ITGB3: variants seen among roughly 807,000 people sequenced by gnomAD.
ITGB3 encodes the protein integrin beta-3.
Under a neutral mutation model 85.8 loss-of-function variants are expected in ITGB3, and 48 were observed. The observed-to-expected ratio is 0.56, with a 90% CI of 0.44 to 0.71. ITGB3 has a LOEUF of 0.71. ITGB3 is among the 30% of genes least tolerant of loss of function. The pLI is 0.00. For synonymous variants in ITGB3, 363 were observed against 395.6 expected (o/e 0.92, Z 0.98); for missense variants, 861 against 1,019.1 (o/e 0.84, Z 2.11).
rs115600591 is a variant in ITGB3 at position 47,253,901 on chromosome 17, G to A, written c.40G>A (p.Val14Met). 2.0e-3 allele frequency: 2,806 copies of A among 1,394,354 alleles called. 51 individuals carry two copies. In the African/African-American group the frequency reaches 0.037, roughly 19 times the overall value. The allele number at this position is 1,394,354 out of a possible 1,614,324, so 86.4% of individuals were successfully genotyped here. ...GCGGCCCCGGCCGCTCTGGGCGACT[G>A]TGCTGGCGCTGGGGGCGCTGGCGGG... ...RPRPRPLWAT[V>M]LALGALAGVG... is the part of the protein sequence containing the mutation. The change falls in exon 1 of 15, where the codon GTG becomes ATG. Residue 14 changes from valine (V) to methionine (M), a missense_variant. Coordinates refer to ENST00000559488, the MANE Select transcript of ITGB3 (RefSeq NM_000212.3).
In ITGB3 at chr17:47,299,631, C is replaced by T; in HGVS notation, c.1913+101C>T. 8.8e-7 allele frequency: 1 copy of T among 1,133,288 alleles called. No individual in the cohort carries two copies. Among genetic ancestry groups the T allele is most frequent in the African/African-American group, 1.5e-5 (1 of 65,082 alleles). 70.2% of individuals were successfully genotyped at this position (1,133,288 alleles called of 1,614,324 possible). A position where few individuals can be genotyped will look rare whatever the true frequency, so the allele number is the denominator to read the frequency against. On this transcript the variant is annotated intron_variant, in intron 11 of 14. Transcript: ENST00000559488. This position sits in a 1 kb window ranked among gnomAD's most constrained non-coding sequence, Gnocchi z 5.1. ...CAGGTGTGTTTCTTGCTCACCAGAGCCTTAGGGAGAGGAGTCCACTCCAGC... is the reference window on the plus strand; with the variant it reads ...CAGGTGTGTTTCTTGCTCACCAGAGTCTTAGGGAGAGGAGTCCACTCCAGC...
chr17:47,293,732 C>T (rs972408794), intron 10 of ITGB3, among the ~76,000 whole-genome samples: 2 of 152,112 alleles, frequency 1.3e-5, no homozygotes, highest in African/African-American at 2.4e-5. Context: ...CTCAGCCTCC[C>T]GAGTAGTTGG....
rs138145046 is a variant in ITGB3, at chr17:47,302,155, G to A, written c.2015-566G>A. 1.2e-4 allele frequency among the ~76,000 whole-genome samples: 18 copies of A among 152,214 alleles called. 1 individual carries two copies. Among genetic ancestry groups the A allele is most frequent in the African/African-American group, 2.9e-4 (12 of 41,534 alleles). On this transcript the variant is annotated intron_variant, in intron 12 of 14. Coordinates refer to ENST00000559488, the MANE Select transcript of ITGB3 (RefSeq NM_000212.3). ...AGAAGAGATGAAGTCTACAAAACACGGTGGGAGTCAGAGAAGAGAGGATAG... is the reference window on the plus strand; with the variant it reads ...AGAAGAGATGAAGTCTACAAAACACAGTGGGAGTCAGAGAAGAGAGGATAG...
chr17:47,267,072 C>T (rs1438412245), intron 1 of ITGB3, among the ~76,000 whole-genome samples: 2 of 152,174 alleles, frequency 1.3e-5, no homozygotes, highest in Non-Finnish European at 2.9e-5. Flanking sequence ...ATTTGAGACT[C>T]AGGATAAAAA....
rs551047304 is a variant in ITGB3, at chr17:47,295,813, C to T, written c.1690+3245C>T. Among the ~76,000 whole-genome samples, 17 of 152,302 alleles carry T rather than the reference C, an allele frequency of 1.1e-4. No individual in the cohort carries two copies. In the South Asian group the frequency reaches 3.5e-3, roughly 32 times the overall value. The stretch of plus-strand genomic sequence containing the variant: ...AGCTCTGCTGGCTGGCGCACTCCTC[C>T]CCCAGCTGCTGTGAGGTTGGCCGAT... On this transcript the variant is annotated intron_variant, in intron 10 of 14. Transcript: ENST00000559488.
rs189854106 is a variant in ITGB3 at position 47,277,388 on chromosome 17, G to A, written c.165+2884G>A. On this transcript the variant is annotated intron_variant, in intron 2 of 14. Coordinates refer to ENST00000559488, the MANE Select transcript of ITGB3 (RefSeq NM_000212.3). ...TGCTAATTGAAGGGCCACTGGGGTT[G>A]GGTCAAGGTGGATGGAGGTGGAGTT... 3.3e-5 allele frequency among the ~76,000 whole-genome samples: 5 copies of A among 152,254 alleles called. No homozygotes were observed. In the East Asian group the frequency reaches 9.6e-4, roughly 29 times the overall value.
chr17:47,276,648 G>A (rs1254814286), intron 2 of ITGB3, among the ~76,000 whole-genome samples: 1 of 152,198 alleles, frequency 6.6e-6, no homozygotes, highest in Non-Finnish European at 1.5e-5. Flanking sequence ...TCAGCAAGAG[G>A]GAGGAGGGAG....
chr17:47,284,732 T>C, intron 4 of ITGB3, 37 bp downstream of exon 4: 1 of 1,614,010 alleles, frequency 6.2e-7, no homozygotes, highest in Non-Finnish European at 8.5e-7. Context: ...CAGCATCCTT[T>C]GCCCCAGGAA....
chr17:47,290,384 T>A, intron 8 of ITGB3, 110 bp downstream of exon 8: 1 of 922,522 alleles, frequency 1.1e-6, no homozygotes, highest in Non-Finnish European at 1.8e-6. Context: ...ACGGTCTTAC[T>A]GCCTTCTCCG....
In ITGB3 at chr17:47,313,584, C is replaced by T. The variant is rs946221512; in HGVS notation, c.*3380C>T. Among the ~76,000 whole-genome samples, 3 of 151,634 alleles carry T rather than the reference C, an allele frequency of 2.0e-5. No individual in the cohort carries two copies. Among genetic ancestry groups the T allele is most frequent in the African/African-American group, 7.3e-5 (3 of 41,260 alleles). ...CAGGAAGGTCTCGATCTCCTGACCT[C>T]GTGATCCTCCCGCCTCGGCCTCCCA... On this transcript the variant is annotated 3_prime_UTR_variant, in exon 15 of 15. Transcript: ENST00000559488.
chr17:47,289,645 A>T (rs1240101503), intron 6 of ITGB3, 36 bp from the exon 7 acceptor site: 1 of 1,426,920 alleles, frequency 7.0e-7, no homozygotes, highest in African/African-American at 1.4e-5. Context: ...GATGTACATG[A>T]GACGTCATTA....
chr17:47,254,587 C>G (rs535555075), intron 1 of ITGB3, among the ~76,000 whole-genome samples: 2 of 152,156 alleles, frequency 1.3e-5, no homozygotes, highest in Non-Finnish European at 1.5e-5. Flanking sequence ...TGCCTCTGCT[C>G]CCAGGGCAGA....
intron 1 of ITGB3, among the ~76,000 whole-genome samples, chr17:47,260,464 A>G (rs2065005251): frequency 6.6e-6 from 1 of 152,250 alleles, no homozygotes; most frequent in Non-Finnish European, 1.5e-5. Context: ...GCACTAGAAG[A>G]GAGCTCCAGA....
chr17:47,255,504 C>G (rs890356072), intron 1 of ITGB3, among the ~76,000 whole-genome samples: 1 of 151,582 alleles, frequency 6.6e-6, no homozygotes, highest in African/African-American at 2.4e-5. Context: ...TCACTGCAAC[C>G]TCCGCTTCCC....
intron 11 of ITGB3, 22 bp from the exon 12 acceptor site, chr17:47,300,456 C>A (rs760613650): frequency 6.3e-7 from 1 of 1,584,846 alleles, no homozygotes; most frequent in South Asian, 1.1e-5. Context: ...TTGCCTTAAT[C>A]ACTGTGTCCT....
chr17:47,301,926 G>T (rs1436525057), intron 12 of ITGB3, among the ~76,000 whole-genome samples: 1 of 151,996 alleles, frequency 6.6e-6, no homozygotes, highest in African/African-American at 2.4e-5. Context: ...TTTTCTGAAG[G>T]GTTGTTGAGT....
At chr17:47,275,905 C>T (rs1345765971) in intron 2 of ITGB3, among the ~76,000 whole-genome samples, 1 of 152,198 alleles carries the variant, frequency 6.6e-6, no homozygotes, top group African/African-American at 2.4e-5. Context: ...GTTCTCCTCC[C>T]CTCTGGGCTG....
Position 47,289,913 on chromosome 17 carries a change from G to A in ITGB3, c.1035+137G>A. 4 of 738,834 alleles carry A rather than the reference G, an allele frequency of 5.4e-6. No homozygotes were observed. In the South Asian group the frequency reaches 5.9e-5, roughly 11 times the overall value. The allele number at this position is 738,834 out of a possible 1,614,324, so 45.8% of individuals were successfully genotyped here. ...ATCCACTCCCCAGGAGCTAAAGATT[G>A]CACTCTGGGCCTTTTTCCTGCAATC... On this transcript the variant is annotated intron_variant, in intron 7 of 14. Coordinates refer to ENST00000559488, the MANE Select transcript of ITGB3 (RefSeq NM_000212.3).
chr17:47,267,423 G>A (rs1242556590), intron 1 of ITGB3, among the ~76,000 whole-genome samples: 1 of 152,208 alleles, frequency 6.6e-6, no homozygotes, highest in African/African-American at 2.4e-5. Flanking sequence ...ACGTTCAGGA[G>A]GGAGGGGTGG....
Sources: gnomAD v4.1 joint callset for allele counts (sites outside exome capture counted in the v4.1 genomes callset) on GRCh38, gnomAD v4.1.1 for gene constraint, Gnocchi (gnomAD v3.1) non-coding constraint, MANE v1.5 for transcripts, NCBI Gene and HGNC (gene_info 2026-07-23, HGNC 2026-07-21) for gene names.